MLXIP: variants seen among roughly 807,000 people sequenced by gnomAD.
The protein encoded by MLXIP is MLX interacting protein, also known as MLX-interacting protein.
A neutral mutation model predicts 87.2 loss-of-function variants in MLXIP; 30 were observed. The observed-to-expected ratio is 0.34, with a 90% CI of 0.26 to 0.47. The LOEUF is 0.47. Ranked by LOEUF, MLXIP falls within the 20% of genes least tolerant of loss-of-function variation. The pLI is 1.00. For missense variants in MLXIP, 1,002 were observed against 1,240.1 expected (o/e 0.81, Z 2.88); for synonymous variants, 530 against 514.0 (o/e 1.03, Z -0.42).
chr12:122,101,828 C>G (rs549166357), intron 1 of MLXIP, among the ~76,000 whole-genome samples: 1 of 152,164 alleles, frequency 6.6e-6, no homozygotes, highest in African/African-American at 2.4e-5. Context: ...ATCCACCCAC[C>G]TTGGCCTCCC....
chr12:122,094,906 ATG>A (rs1404549065), intron 1 of MLXIP, among the ~76,000 whole-genome samples: 5 of 114,948 alleles, frequency 4.3e-5, no homozygotes, highest in South Asian at 2.9e-4. Flanking sequence ...GTGTGTGGGT[ATG>A]TGTGTGCATT....
rs183524801 is a variant in MLXIP at position 122,110,233 on chromosome 12, G to A, written c.414-17023G>A. ...ATTAGGAGGCCGAGGCAGGAGGATT[G>A]CTTGAGGTCAGGAGTTCGAGATCAG... On this transcript the variant is annotated intron_variant, in intron 1 of 16. Transcript: ENST00000319080. Among the ~76,000 whole-genome samples the A allele has an allele frequency of 2.6e-3, 392 of 152,246 alleles. 4 individuals are homozygous for A. In the Middle Eastern group the frequency reaches 0.027, roughly 11 times the overall value.
chr12:122,109,250 G>T (rs1443216071), intron 1 of MLXIP, among the ~76,000 whole-genome samples: 4 of 152,154 alleles, frequency 2.6e-5, no homozygotes. Flanking sequence ...TGTATTTTTA[G>T]TAGTGACGGG....
Position 122,133,814 on chromosome 12 carries a change from C to T in MLXIP, c.1559C>T (p.Pro520Leu), listed in dbSNP as rs762511838. The change falls in exon 9 of 17, where the codon CCT (proline) becomes CTT (leucine). Residue 520 changes from proline (P) to leucine (L), a missense_variant. Pro to Leu is a moderately conservative substitution (Grantham distance 98). Transcript: ENST00000319080. The surrounding 1 kb of genome is among the most constrained non-coding windows in gnomAD (Gnocchi z 4.9). ...TTHHPAPSAA[P>L]CGLALSPVTR... ...CATCACCCTGCCCCGTCAGCGGCCC[C>T]TTGTGGGCTGGCACTGTCTCCTGTC... The T allele has an allele frequency of 1.1e-5, 18 of 1,613,056 alleles. No individual in the cohort carries two copies. The East Asian group carries it at 4.0e-4, about 36-fold the overall frequency.
At position 122,133,756 on chromosome 12, in the gene MLXIP, T is replaced by G; in HGVS notation, c.1501T>G (p.Phe501Val). ...TLTHDAPATT[F>V]SQSQGLVITT... ...CACCCACGATGCCCCCGCCACCACC[T>G]TTAGCCAGAGTCAGGGCCTTGTGAT... is the stretch of plus-strand genomic sequence containing the variant. Residue 501 changes from phenylalanine (F) to valine (V), a missense_variant, in exon 9 of 17, where the codon TTT becomes GTT. Transcript: ENST00000319080. The surrounding 1 kb of genome is among the most constrained non-coding windows in gnomAD (Gnocchi z 4.9). 6.2e-7 allele frequency: 1 copy of G among 1,613,350 alleles called. No individual in the cohort carries two copies. Among genetic ancestry groups the G allele is most frequent in the Non-Finnish European group, 8.5e-7 (1 of 1,179,734 alleles).
At chr12:122,107,507 G>A (rs1036777209) in intron 1 of MLXIP, among the ~76,000 whole-genome samples, 6 of 152,180 alleles carry the variant, frequency 3.9e-5, no homozygotes, top group Admixed American at 6.5e-5. Flanking sequence ...AGCCCTGAAC[G>A]TCTTGGGAAG....
chr12:122,125,244 A>G (rs1168029867), intron 1 of MLXIP, among the ~76,000 whole-genome samples: 1 of 151,982 alleles, frequency 6.6e-6, no homozygotes, highest in Non-Finnish European at 1.5e-5. Context: ...AGGCGGCAGA[A>G]TCGCTTGAAG....
chr12:122,088,683 G>C (rs144843362), intron 1 of MLXIP, among the ~76,000 whole-genome samples: 25 of 152,286 alleles, frequency 1.6e-4, no homozygotes, highest in Non-Finnish European at 2.8e-4. Flanking sequence ...TATTCTGCAA[G>C]TAGGTGATCC....
rs765368577 is a variant in MLXIP at position 122,133,582 on chromosome 12, C to T, written c.1327C>T (p.Pro443Ser). Residue 443 changes from proline to serine, a missense_variant, in exon 9 of 17, where the codon CCA becomes TCA. Coordinates refer to ENST00000319080, the MANE Select transcript of MLXIP (RefSeq NM_014938.6). This position sits in a 1 kb window ranked among gnomAD's most constrained non-coding sequence, Gnocchi z 4.9. Reference protein sequence around the residue: ...TMPLLSPSPAPPPISPVLPLV... With the variant: ...TMPLLSPSPASPPISPVLPLV... ...GCCCCTGCTGTCTCCCAGCCCCGCC[C>T]CACCGCCCATCTCCCCCGTGTTACC... is the stretch of plus-strand genomic sequence containing the variant. 2 of 1,606,788 alleles carry T rather than the reference C, an allele frequency of 1.2e-6. No homozygotes were observed. Among genetic ancestry groups the T allele is most frequent in the Admixed American group, 3.4e-5 (2 of 59,228 alleles).
intron 1 of MLXIP, among the ~76,000 whole-genome samples, chr12:122,110,036 A>G (rs371752330): frequency 9.2e-5 from 14 of 152,104 alleles, no homozygotes; most frequent in Admixed American, 8.5e-4. Flanking sequence ...TTTATTCTTT[A>G]GGGCCAGGAA....
chr12:122,132,980 T>G, intron 8 of MLXIP: 1 of 207,238 alleles, frequency 4.8e-6, no homozygotes, highest in Non-Finnish European at 9.6e-6. Context: ...ACACGTGAAA[T>G]TGTCCTCGGG....
chr12:122,142,339 G>C lies in MLXIP; in HGVS notation c.*527G>C, dbSNP rs1367321477. On this transcript the variant is annotated 3_prime_UTR_variant, in exon 17 of 17. Transcript: ENST00000319080. ...ACTCTGACAGCACCCAGCCCTTGTG[G>C]ATGGACTTGGGCTTCTATTCAGGCT... 1 of 612,168 alleles carries C rather than the reference G, an allele frequency of 1.6e-6. No homozygotes were observed. The highest frequency in any genetic ancestry group is 2.1e-5 in the Admixed American group (1 of 47,046). 37.9% of individuals were successfully genotyped at this position (612,168 alleles called of 1,614,324 possible). A position where few individuals can be genotyped will look rare whatever the true frequency, so the allele number is the denominator to read the frequency against.
intron 1 of MLXIP, among the ~76,000 whole-genome samples, chr12:122,119,713 CCT>C (rs1391956026): frequency 6.6e-6 from 1 of 152,196 alleles, no homozygotes; most frequent in Non-Finnish European, 1.5e-5. Context: ...TGACTGGTTC[CCT>C]GTGATGAATA....
At chr12:122,096,129 C>A (rs1353452697) in intron 1 of MLXIP, among the ~76,000 whole-genome samples, 1 of 151,754 alleles carries the variant, frequency 6.6e-6, no homozygotes, top group Admixed American at 6.6e-5. Context: ...CTAGGCTGGG[C>A]TGCAAATGTG....
intron 1 of MLXIP, among the ~76,000 whole-genome samples, chr12:122,081,770 G>A: frequency 6.6e-6 from 1 of 152,182 alleles, no homozygotes; most frequent in East Asian, 1.9e-4. Context: ...TTCCCTGCCG[G>A]CTGTCTGGGT....
intron 1 of MLXIP, among the ~76,000 whole-genome samples, chr12:122,091,549 A>G (rs1347281439): frequency 6.6e-6 from 1 of 152,166 alleles, no homozygotes; most frequent in East Asian, 1.9e-4. Flanking sequence ...AAAAACAACA[A>G]AACAAAAAAA....
chr12:122,141,553 AC>A, intron 16 of MLXIP, 137 bp from the exon 17 acceptor site: 1 of 1,359,900 alleles, frequency 7.4e-7, no homozygotes, highest in Non-Finnish European at 9.7e-7. Context: ...GGCCCCTGGC[AC>A]TCCTCCCTGC....
intron 1 of MLXIP, among the ~76,000 whole-genome samples, chr12:122,109,918 C>T (rs1053327630): frequency 2.6e-5 from 4 of 152,144 alleles, no homozygotes; most frequent in African/African-American, 7.2e-5. Flanking sequence ...CTCAAATAAG[C>T]CAGAATCCTG....
intron 6 of MLXIP, 147 bp downstream of exon 6, chr12:122,130,259 G>A: frequency 1.2e-6 from 1 of 839,938 alleles, no homozygotes; most frequent in Non-Finnish European, 1.8e-6. Context: ...AAGGATGGCT[G>A]GCCTCATTTG....
Sources: gnomAD v4.1 joint callset for allele counts (sites outside exome capture counted in the v4.1 genomes callset) on GRCh38, gnomAD v4.1.1 for gene constraint, Gnocchi (gnomAD v3.1) non-coding constraint, MANE v1.5 for transcripts, NCBI Gene and HGNC (gene_info 2026-07-23, HGNC 2026-07-21) for gene names.